HMGCLL1: variants seen among roughly 807,000 people sequenced by gnomAD.
HMGCLL1 encodes the protein 3-hydroxy-3-methylglutaryl-CoA lyase like 1.
In HMGCLL1, 36 loss-of-function variants were observed where a neutral mutation model predicts 39.1. The ratio of observed to expected loss-of-function variants is 0.92; its 90% CI spans 0.71 to 1.22. HMGCLL1 has a LOEUF of 1.22. Among genes scored for constraint, HMGCLL1 ranks in the 50% most tolerant of loss-of-function variants. The probability of loss-of-function intolerance (pLI) is 0.00; values close to 1 mark genes in which losing one functional copy is unlikely to be tolerated. For synonymous variants in HMGCLL1, 149 were observed against 144.0 expected (o/e 1.03, Z -0.25); for missense variants, 451 against 416.5 (o/e 1.08, Z -0.72).
the HMGCLL1 span, among the ~76,000 whole-genome samples, chr6:55,668,140 A>T: frequency 6.6e-6 from 1 of 151,994 alleles, no homozygotes; most frequent in Non-Finnish European, 1.5e-5. Context: ...GCAAGAAGGC[A>T]TTTCGGGCTA....
chr6:55,637,645 G>A, the HMGCLL1 span, among the ~76,000 whole-genome samples: 24 of 151,680 alleles, frequency 1.6e-4, no homozygotes, highest in Admixed American at 8.5e-4. Flanking sequence ...ATTCTTCCTA[G>A]AATAGTGAAT....
chr6:55,448,011 G>C (rs1375588745), intron 7 of HMGCLL1, among the ~76,000 whole-genome samples: 2 of 152,120 alleles, frequency 1.3e-5, no homozygotes, highest in Non-Finnish European at 1.5e-5. Context: ...AAATCAAAAG[G>C]CTTCCTTTTC....
At chr6:55,658,529 G>A in the HMGCLL1 span, among the ~76,000 whole-genome samples, 9 of 151,920 alleles carry the variant, frequency 5.9e-5, no homozygotes, top group East Asian at 7.8e-4. Context: ...CCCATGGACC[G>A]AGATCTGAGA....
chr6:55,577,028 A>G (rs1360278786), intron 1 of HMGCLL1: 4 of 1,609,326 alleles, frequency 2.5e-6, no homozygotes, highest in Non-Finnish European at 2.5e-6. Context: ...TTGTCACTCA[A>G]ACTCACACTA....
chr6:55,643,344 G>T, the HMGCLL1 span, among the ~76,000 whole-genome samples: 3 of 151,932 alleles, frequency 2.0e-5, no homozygotes, highest in Non-Finnish European at 2.9e-5. Flanking sequence ...GACTGGTATA[G>T]ATAGTATCTC....
the HMGCLL1 span, among the ~76,000 whole-genome samples, chr6:55,666,841 A>T: frequency 5.9e-5 from 9 of 151,832 alleles, no homozygotes; most frequent in Non-Finnish European, 8.8e-5. Context: ...AACATCCCTT[A>T]ACCAGACATG....
chr6:55,578,926 A>C (rs1379988119), intron 1 of HMGCLL1, 22 bp downstream of exon 1: 1 of 1,578,606 alleles, frequency 6.3e-7, no homozygotes, highest in Non-Finnish European at 8.7e-7. Flanking sequence ...GGGTGGGGAC[A>C]CCCTGGGCCG....
chr6:55,625,908 T>C, the HMGCLL1 span, among the ~76,000 whole-genome samples: 28 of 152,216 alleles, frequency 1.8e-4, no homozygotes, highest in Non-Finnish European at 3.7e-4. Context: ...GATGACCCGT[T>C]CTGTGGACAC....
At chr6:55,564,876 A>T (rs1771138965) in intron 1 of HMGCLL1, among the ~76,000 whole-genome samples, 1 of 151,746 alleles carries the variant, frequency 6.6e-6, no homozygotes, top group Admixed American at 6.6e-5. Flanking sequence ...AACTTTACAG[A>T]GTCTGAATAA....
chr6:55,672,503 T>TAATC, the HMGCLL1 span, among the ~76,000 whole-genome samples: 2 of 151,806 alleles, frequency 1.3e-5, no homozygotes, highest in East Asian at 3.9e-4. Context: ...AAATATAATA[T>TAATC]AATCAAATTG....
chr6:55,627,743 T>G, the HMGCLL1 span, among the ~76,000 whole-genome samples: 3 of 146,920 alleles, frequency 2.0e-5, no homozygotes, highest in African/African-American at 7.6e-5. Flanking sequence ...TCTCTTGTGC[T>G]GGATGCTTCC....
At chr6:55,664,731 T>C in the HMGCLL1 span, among the ~76,000 whole-genome samples, 1 of 151,676 alleles carries the variant, frequency 6.6e-6, no homozygotes, top group Non-Finnish European at 1.5e-5. Context: ...ATACATTCAA[T>C]TTGTTAGTCA....
intron 1 of HMGCLL1, among the ~76,000 whole-genome samples, chr6:55,555,336 A>C (rs1324565487): frequency 7.0e-6 from 1 of 143,710 alleles, no homozygotes; most frequent in African/African-American, 2.6e-5. Flanking sequence ...AAATATCAAA[A>C]AGTCAACAAC....
the HMGCLL1 span, among the ~76,000 whole-genome samples, chr6:55,625,941 A>G: frequency 3.9e-5 from 6 of 152,038 alleles, no homozygotes; most frequent in South Asian, 2.1e-4. Flanking sequence ...TTCCCCAGCC[A>G]CCTCTGCCAT....
At chr6:55,650,915 C>G in the HMGCLL1 span, among the ~76,000 whole-genome samples, 1 of 149,550 alleles carries the variant, frequency 6.7e-6, no homozygotes, top group African/African-American at 2.5e-5. Context: ...ACTGCCAGGC[C>G]TGAGACTCAC....
the HMGCLL1 span, among the ~76,000 whole-genome samples, chr6:55,608,361 C>G: frequency 5.3e-5 from 8 of 152,058 alleles, no homozygotes; most frequent in Non-Finnish European, 1.2e-4. Flanking sequence ...GTCAGTGACT[C>G]CAGAGAGATT....
the HMGCLL1 span, among the ~76,000 whole-genome samples, chr6:55,650,381 G>T: frequency 3.3e-5 from 5 of 151,466 alleles, no homozygotes; most frequent in African/African-American, 1.2e-4. Flanking sequence ...CACTGTGGTT[G>T]GTTGTCTTGG....
the HMGCLL1 span, among the ~76,000 whole-genome samples, chr6:55,635,672 C>T: frequency 1.3e-5 from 2 of 152,058 alleles, no homozygotes; most frequent in African/African-American, 4.8e-5. Flanking sequence ...GAATAATCTG[C>T]CAGGCACCTT....
At chr6:55,539,985 GAA>G (rs1452745068) in intron 3 of HMGCLL1, among the ~76,000 whole-genome samples, 3 of 12,550 alleles carry the variant, frequency 2.4e-4, no homozygotes, top group Admixed American at 1.0e-3. Flanking sequence ...AGGAAGGAAG[GAA>G]GGAAGGAAGG....
Sources: allele counts gnomAD v4.1 joint callset (sites outside exome capture counted in the v4.1 genomes callset), GRCh38; gene constraint gnomAD v4.1.1; transcripts MANE v1.5; gene names NCBI Gene and HGNC (gene_info 2026-07-23, HGNC 2026-07-21).